Variants in MOB3B observed in about 807,000 individuals in gnomAD.
MOB3B encodes the protein MOB kinase activator 3B.
A neutral mutation model predicts 18.7 loss-of-function variants in MOB3B; 7 were observed. That is an observed-to-expected ratio of 0.37 (90% CI 0.21 to 0.70). The LOEUF (loss-of-function observed/expected upper bound fraction) is 0.70, where lower values mean the gene tolerates loss of function less well. Among genes scored for constraint, MOB3B ranks in the 30% least tolerant of loss-of-function variants. The pLI is 0.52. For missense variants in MOB3B, 253 were observed against 281.3 expected, an observed-to-expected ratio of 0.90 and a Z score of 0.72; for synonymous variants, 111 against 99.9, an observed-to-expected ratio of 1.11 and a Z score of -0.66.
At chr9:27,478,676 T>C (rs1028871075) in intron 1 of MOB3B, among the ~76,000 whole-genome samples, 1 of 152,162 alleles carries the variant, frequency 6.6e-6, no homozygotes, top group African/African-American at 2.4e-5. Flanking sequence ...ACACATTTAA[T>C]TGAAGTTCTG....
At chr9:27,406,631 T>C (rs1265349106) in intron 2 of MOB3B, among the ~76,000 whole-genome samples, 2 of 152,184 alleles carry the variant, frequency 1.3e-5, no homozygotes, top group Non-Finnish European at 2.9e-5. Context: ...AGAACATACA[T>C]TGGGAAGGAC....
chr9:27,433,053 ATT>A (rs201266096), intron 2 of MOB3B, among the ~76,000 whole-genome samples: 1 of 147,272 alleles, frequency 6.8e-6, no homozygotes, highest in Non-Finnish European at 1.5e-5. Flanking sequence ...TTCAGGAACT[ATT>A]TTTTTTTTTC....
At chr9:27,480,752 T>C (rs1819636544) in intron 1 of MOB3B, among the ~76,000 whole-genome samples, 1 of 151,474 alleles carries the variant, frequency 6.6e-6, no homozygotes, top group South Asian at 2.1e-4. Flanking sequence ...ACTTCTAAAG[T>C]AGTAGAAGAA....
chr9:27,450,194 C>G (rs567844665), intron 2 of MOB3B, among the ~76,000 whole-genome samples: 20 of 152,164 alleles, frequency 1.3e-4, no homozygotes, highest in African/African-American at 4.6e-4. Context: ...TGCACTTGAC[C>G]ACTGAACAGA....
chr9:27,524,751 A>T, intron 1 of MOB3B: 4 of 1,613,936 alleles, frequency 2.5e-6, no homozygotes, highest in Non-Finnish European at 3.4e-6. Context: ...AAATGAAGAC[A>T]TGAAAGAAAT....
chr9:27,481,525 T>G (rs868075203), intron 1 of MOB3B, among the ~76,000 whole-genome samples: 21 of 144,170 alleles, frequency 1.5e-4, no homozygotes, highest in South Asian at 6.7e-4. Flanking sequence ...TTTTTGTTTT[T>G]TTTTTTTTTT....
intron 3 of MOB3B, among the ~76,000 whole-genome samples, chr9:27,334,472 G>T (rs1336900401): frequency 6.6e-6 from 1 of 152,164 alleles, no homozygotes; most frequent in Non-Finnish European, 1.5e-5. Context: ...GGACGGTGGG[G>T]GTGGATGAAA....
At chr9:27,468,664 C>G (rs1819424851) in intron 1 of MOB3B, among the ~76,000 whole-genome samples, 1 of 152,196 alleles carries the variant, frequency 6.6e-6, no homozygotes, top group African/African-American at 2.4e-5. Flanking sequence ...CACTGCATCC[C>G]TGGTACCTAA....
At chr9:27,496,468 C>T (rs1301236612) in intron 1 of MOB3B, among the ~76,000 whole-genome samples, 2 of 152,110 alleles carry the variant, frequency 1.3e-5, no homozygotes, top group Admixed American at 6.6e-5. Flanking sequence ...CAAAGTGGGA[C>T]GTCACATGTA....
At chr9:27,524,237 C>A in intron 1 of MOB3B, 2 of 1,224,402 alleles carry the variant, frequency 1.6e-6, no homozygotes, top group Non-Finnish European at 2.2e-6. Context: ...GAGAAAACTC[C>A]TCCTGCTGAA....
intron 1 of MOB3B, among the ~76,000 whole-genome samples, chr9:27,511,010 G>A (rs113620410): frequency 3.3e-5 from 5 of 152,200 alleles, no homozygotes; most frequent in African/African-American, 9.6e-5. Flanking sequence ...CAGGTCAAGC[G>A]GCAGGGACTC....
chr9:27,447,551 T>C (rs1002375717), intron 2 of MOB3B, among the ~76,000 whole-genome samples: 8 of 152,174 alleles, frequency 5.3e-5, no homozygotes, highest in African/African-American at 1.7e-4. Context: ...GCACAGGTAA[T>C]GGAGAATCCA....
intron 2 of MOB3B, among the ~76,000 whole-genome samples, chr9:27,364,054 AT>A (rs1680024451): frequency 1.3e-5 from 2 of 152,318 alleles, no homozygotes; most frequent in South Asian, 4.2e-4. Flanking sequence ...CAAAAACACC[AT>A]TTTATGACCT....
chr9:27,386,282 A>G (rs374818899), intron 2 of MOB3B, among the ~76,000 whole-genome samples: 4 of 152,208 alleles, frequency 2.6e-5, no homozygotes, highest in African/African-American at 9.7e-5. Context: ...TTAATTATTC[A>G]TGGAAAATGA....
intron 2 of MOB3B, among the ~76,000 whole-genome samples, chr9:27,416,975 G>C (rs1467203455): frequency 6.6e-6 from 1 of 152,194 alleles, no homozygotes; most frequent in African/African-American, 2.4e-5. Flanking sequence ...ACTGGTGTGC[G>C]ATTGAAGGGG....
intron 2 of MOB3B, chr9:27,378,640 G>T (rs949006857): frequency 2.1e-6 from 1 of 471,090 alleles, no homozygotes; most frequent in Non-Finnish European, 4.4e-6. Context: ...CATTCTCCCA[G>T]CCCTTGCCAG....
At chr9:27,513,167 T>C (rs1054336328) in intron 1 of MOB3B, among the ~76,000 whole-genome samples, 3 of 152,240 alleles carry the variant, frequency 2.0e-5, no homozygotes, top group Non-Finnish European at 2.9e-5. Context: ...ATGGTACTTC[T>C]GGAAAACTGC....
At chr9:27,485,006 G>A (rs1350028419) in intron 1 of MOB3B, among the ~76,000 whole-genome samples, 3 of 152,244 alleles carry the variant, frequency 2.0e-5, no homozygotes, top group South Asian at 2.1e-4. Flanking sequence ...AATTGGCCTT[G>A]CCAGTATTTT....
intron 2 of MOB3B, among the ~76,000 whole-genome samples, chr9:27,383,101 A>T (rs1821602785): frequency 6.6e-6 from 1 of 152,094 alleles, no homozygotes; most frequent in Non-Finnish European, 1.5e-5. Flanking sequence ...CCTGAAGGTG[A>T]GGGGGTTAAG....
Sources: allele counts gnomAD v4.1 joint callset (sites outside exome capture counted in the v4.1 genomes callset), GRCh38; gene constraint gnomAD v4.1.1; transcripts MANE v1.5; gene names NCBI Gene and HGNC (gene_info 2026-07-23, HGNC 2026-07-21).